The following ZNF385D variants were observed in gnomAD, a reference collection of about 807,000 sequenced individuals.
ZNF385D encodes zinc finger protein 659.
Under a neutral mutation model 35.8 loss-of-function variants are expected in ZNF385D, and 15 were observed. The ratio of observed to expected loss-of-function variants is 0.42; its 90% CI spans 0.28 to 0.64. The LOEUF (loss-of-function observed/expected upper bound fraction) is 0.64, where lower values mean the gene tolerates loss of function less well. ZNF385D is among the 30% of genes least tolerant of loss of function. ZNF385D has a pLI of 0.23. For missense variants in ZNF385D, 474 were observed against 494.6 expected (o/e 0.96, Z 0.39); for synonymous variants, 212 against 186.8 (o/e 1.13, Z -1.10).
intron 3 of ZNF385D, among the ~76,000 whole-genome samples, chr3:21,919,940 C>A (rs192724671): frequency 5.3e-4 from 80 of 152,296 alleles, no homozygotes; most frequent in Middle Eastern, 3.4e-3. Flanking sequence ...CTCTAAGCTC[C>A]CTCTATAAGC....
At chr3:21,753,814 C>T (rs975383784), upstream of ZNF385D, among the ~76,000 whole-genome samples, 15 of 145,422 alleles carry the variant, frequency 1.0e-4, no homozygotes, top group African/African-American at 3.5e-4. Flanking sequence ...TGTGTATTTG[C>T]GTTTTGTACT....
chr3:21,959,110 A>G (rs1702442420), intron 3 of ZNF385D, among the ~76,000 whole-genome samples: 1 of 152,200 alleles, frequency 6.6e-6, no homozygotes, highest in Non-Finnish European at 1.5e-5. Context: ...AGTTACATAA[A>G]TGTCATTGCA....
intron 2 of ZNF385D, among the ~76,000 whole-genome samples, chr3:22,346,346 A>AT (rs1421932251): frequency 6.6e-6 from 1 of 152,192 alleles, no homozygotes; most frequent in Admixed American, 6.5e-5. Flanking sequence ...GGCAATCTGG[A>AT]TTTTTTGAAG....
At chr3:21,514,756 C>T (rs1218703895) in intron 3 of ZNF385D, among the ~76,000 whole-genome samples, 1 of 151,928 alleles carries the variant, frequency 6.6e-6, no homozygotes, top group Non-Finnish European at 1.5e-5. Flanking sequence ...TTAAACCTTT[C>T]CTGGTTCTAG....
intron 3 of ZNF385D, among the ~76,000 whole-genome samples, chr3:22,066,037 T>C (rs1404953003): frequency 6.6e-6 from 1 of 152,046 alleles, no homozygotes. Context: ...TTCTTACAAC[T>C]GAAAGTGACA....
chr3:21,621,627 T>C (rs1033181671), intron 2 of ZNF385D, among the ~76,000 whole-genome samples: 5 of 145,098 alleles, frequency 3.4e-5, no homozygotes, highest in African/African-American at 1.3e-4. Context: ...TGATCACCAC[T>C]AAGGACGACC....
rs1354443132 is a variant in ZNF385D at position 21,417,248 on chromosome 3, C to T, written c.*3966G>A. ...CCCCTCTAGTGCTGATGTATTAAAC[C>T]AGCTTAGCTATTAATCACTGTCATC... On this transcript the variant is annotated 3_prime_UTR_variant, in exon 8 of 8. Coordinates refer to ENST00000281523, the MANE Select transcript of ZNF385D (RefSeq NM_024697.3). The T allele has an allele frequency of 1.3e-5, 2 of 151,972 alleles. No individual in the cohort carries two copies. Among genetic ancestry groups the T allele is most frequent in the Non-Finnish European group, 2.9e-5 (2 of 67,968 alleles). 9.4% of individuals were successfully genotyped at this position (151,972 alleles called of 1,614,324 possible).
At chr3:22,015,905 T>C (rs2336525) in intron 3 of ZNF385D, among the ~76,000 whole-genome samples, 33,002 of 152,018 alleles carry the variant, frequency 0.22, 4,229 homozygotes, top group East Asian at 0.46. Context: ...CCCACGTTCC[T>C]GAAAAAAAGA....
intron 2 of ZNF385D, among the ~76,000 whole-genome samples, chr3:21,663,583 G>T (rs1036731008): frequency 5.3e-5 from 8 of 151,892 alleles, no homozygotes; most frequent in Non-Finnish European, 1.0e-4. Flanking sequence ...AGGAATAAGG[G>T]AATTTGATGC....
At chr3:21,974,104 A>C (rs1339094147) in intron 3 of ZNF385D, among the ~76,000 whole-genome samples, 1 of 152,094 alleles carries the variant, frequency 6.6e-6, no homozygotes, top group Non-Finnish European at 1.5e-5. Flanking sequence ...AAAGTCCCAG[A>C]ATAGACAAAG....
intron 3 of ZNF385D, among the ~76,000 whole-genome samples, chr3:21,885,176 G>T (rs1387456377): frequency 6.6e-6 from 1 of 151,920 alleles, no homozygotes; most frequent in Non-Finnish European, 1.5e-5. Flanking sequence ...ATTGAGAATA[G>T]CAGAAAAAAC....
chr3:22,283,644 C>A (rs1701880680), intron 2 of ZNF385D, among the ~76,000 whole-genome samples: 1 of 152,120 alleles, frequency 6.6e-6, no homozygotes, highest in African/African-American at 2.4e-5. Flanking sequence ...TTCTGTGCCT[C>A]AATTTGTGCA....
intron 1 of ZNF385D, among the ~76,000 whole-genome samples, chr3:21,704,954 A>C (rs566136999): frequency 6.6e-6 from 1 of 152,288 alleles, no homozygotes; most frequent in Non-Finnish European, 1.5e-5. Context: ...AATATGTCTC[A>C]TATGGCTTGG....
chr3:22,108,150 A>C (rs1001387434), intron 3 of ZNF385D, among the ~76,000 whole-genome samples: 21 of 152,226 alleles, frequency 1.4e-4, no homozygotes, highest in African/African-American at 5.1e-4. Context: ...CAGCAGCATA[A>C]AGTGAACTAA....
upstream of ZNF385D, among the ~76,000 whole-genome samples, chr3:21,754,700 TA>T (rs1313598339): frequency 6.6e-6 from 1 of 152,092 alleles, no homozygotes; most frequent in African/African-American, 2.4e-5. Context: ...CCATGGCAAC[TA>T]TCATCATCTG....
intron 3 of ZNF385D, among the ~76,000 whole-genome samples, chr3:22,012,547 A>G (rs1696642499): frequency 1.3e-5 from 2 of 152,116 alleles, no homozygotes; most frequent in African/African-American, 4.8e-5. Context: ...TATTACCCCT[A>G]GATTGTAGTC....
chr3:21,593,460 T>G (rs1426927676), intron 2 of ZNF385D, among the ~76,000 whole-genome samples: 1 of 152,140 alleles, frequency 6.6e-6, no homozygotes, highest in Non-Finnish European at 1.5e-5. Flanking sequence ...GTGGACAAAG[T>G]TCCACGATTA....
At chr3:21,602,750 G>A (rs1437252410) in intron 2 of ZNF385D, among the ~76,000 whole-genome samples, 1 of 150,284 alleles carries the variant, frequency 6.7e-6, no homozygotes, top group Admixed American at 6.6e-5. Flanking sequence ...AGCCAGGATG[G>A]TCTCGATCTC....
intron 3 of ZNF385D, among the ~76,000 whole-genome samples, chr3:22,157,864 A>G (rs1245345411): frequency 6.6e-6 from 1 of 152,154 alleles, no homozygotes; most frequent in African/African-American, 2.4e-5. Flanking sequence ...AACAGATAAT[A>G]CATATATGGT....
Sources: gnomAD v4.1 joint callset for allele counts (sites outside exome capture counted in the v4.1 genomes callset) on GRCh38, gnomAD v4.1.1 for gene constraint, MANE v1.5 for transcripts, NCBI Gene and HGNC (gene_info 2026-07-23, HGNC 2026-07-21) for gene names.